Variants in SYT15B observed in about 807,000 individuals in gnomAD.
The protein encoded by SYT15B is synaptotagmin-15.
chr10:47,762,304 G>T, the SYT15B span, among the ~76,000 whole-genome samples: 2 of 151,244 alleles, frequency 1.3e-5, no homozygotes, highest in South Asian at 2.1e-4. Context: ...TCGCCCCGGG[G>T]GTGCTCAGAC....
the SYT15B span, among the ~76,000 whole-genome samples, chr10:47,745,467 T>G: frequency 1.4e-5 from 2 of 143,254 alleles, no homozygotes; most frequent in Non-Finnish European, 3.0e-5. Flanking sequence ...CATCGTTTTC[T>G]TCCTTTGACT....
the SYT15B span, chr10:47,753,079 G>A: frequency 1.1e-6 from 1 of 909,766 alleles, no homozygotes; most frequent in South Asian, 5.1e-5. Context: ...TTGCACTCCA[G>A]CCTGGGTGAC....
chr10:47,747,320 C>T, the SYT15B span, among the ~76,000 whole-genome samples: 1 of 151,436 alleles, frequency 6.6e-6, no homozygotes, highest in African/African-American at 2.4e-5. Context: ...AACACTTTCC[C>T]CTTGAGGCAT....
chr10:47,749,484 G>C, the SYT15B span, among the ~76,000 whole-genome samples: 11 of 145,824 alleles, frequency 7.5e-5, no homozygotes, highest in East Asian at 2.1e-3. Flanking sequence ...ATTAAAATGA[G>C]TAATAATAAT....
chr10:47,746,881 C>A, the SYT15B span, among the ~76,000 whole-genome samples: 1 of 110,078 alleles, frequency 9.1e-6, no homozygotes, highest in Non-Finnish European at 1.9e-5. Context: ...ATTGTTTAAT[C>A]CCATTCCCTG....
the SYT15B span, among the ~76,000 whole-genome samples, chr10:47,748,415 G>A: frequency 6.6e-6 from 1 of 151,690 alleles, no homozygotes; most frequent in East Asian, 2.0e-4. Context: ...GTTTCACCAT[G>A]TTGGCCAGGT....
chr10:47,745,012 G>C, the SYT15B span, among the ~76,000 whole-genome samples: 1 of 151,804 alleles, frequency 6.6e-6, no homozygotes, highest in South Asian at 2.1e-4. Flanking sequence ...CCCAAGCCTG[G>C]CCCAGGCTTG....
chr10:47,754,963 CTTTTTTT>C, the SYT15B span, among the ~76,000 whole-genome samples: 1 of 74,990 alleles, frequency 1.3e-5, no homozygotes, highest in African/African-American at 5.1e-5. Flanking sequence ...CTTTTCTTTT[CTTTTTTT>C]TTTTTTTGAC....
At chr10:47,748,486 T>C in the SYT15B span, among the ~76,000 whole-genome samples, 2 of 152,122 alleles carry the variant, frequency 1.3e-5, no homozygotes, top group Non-Finnish European at 2.9e-5. Flanking sequence ...GTGCTGGGAT[T>C]ATAGGCGTGA....
chr10:47,757,499 GAGTTTAAGGGGCTTGTGC>G, the SYT15B span, among the ~76,000 whole-genome samples: 3 of 82,754 alleles, frequency 3.6e-5, no homozygotes, highest in African/African-American at 1.0e-4. Flanking sequence ...GTGGTCTGGA[GAGTTTAAGGGGCTTGTGC>G]AGTCCTGTGG....
the SYT15B span, among the ~76,000 whole-genome samples, chr10:47,762,150 C>G: frequency 6.7e-6 from 1 of 149,038 alleles, no homozygotes; most frequent in Admixed American, 6.7e-5. Flanking sequence ...CTCTAACACC[C>G]GCTCCCTCCC....
chr10:47,762,154 C>T, the SYT15B span, among the ~76,000 whole-genome samples: 1 of 149,900 alleles, frequency 6.7e-6, no homozygotes, highest in African/African-American at 2.5e-5. Context: ...AACACCCGCT[C>T]CCTCCCCTAG....
the SYT15B span, chr10:47,753,252 A>G: frequency 1.6e-6 from 1 of 619,592 alleles, no homozygotes; most frequent in Non-Finnish European, 1.9e-6. Context: ...TACCTGTTAC[A>G]GTAACTGTGA....
chr10:47,749,083 G>T, the SYT15B span, among the ~76,000 whole-genome samples: 1 of 77,208 alleles, frequency 1.3e-5, no homozygotes, highest in Non-Finnish European at 2.6e-5. Flanking sequence ...AAATACAAAA[G>T]AATTAGCCAG....
the SYT15B span, among the ~76,000 whole-genome samples, chr10:47,749,447 T>A: frequency 2.0e-5 from 3 of 149,968 alleles, no homozygotes; most frequent in South Asian, 6.4e-4. Context: ...AATAATAATG[T>A]CTCGTTAGGT....
At chr10:47,755,404 A>C in the SYT15B span, among the ~76,000 whole-genome samples, 42 of 152,224 alleles carry the variant, frequency 2.8e-4, no homozygotes, top group African/African-American at 7.5e-4. Context: ...TACAGGCGCC[A>C]GCCACCACAC....
the SYT15B span, chr10:47,751,004 A>G: frequency 9.7e-5 from 14 of 143,622 alleles, no homozygotes; most frequent in Admixed American, 4.9e-4. Flanking sequence ...ATTTGAGAGA[A>G]ATTTAACCTT....
the SYT15B span, among the ~76,000 whole-genome samples, chr10:47,744,854 T>A: frequency 6.6e-6 from 1 of 152,046 alleles, no homozygotes; most frequent in African/African-American, 2.4e-5. Flanking sequence ...TTCACATGAT[T>A]TTTGGATCAT....
chr10:47,756,715 G>A, the SYT15B span, among the ~76,000 whole-genome samples: 1 of 152,426 alleles, frequency 6.6e-6, no homozygotes, highest in African/African-American at 2.4e-5. Context: ...GGATGTGTGG[G>A]GTGAGCCCAA....
Sources: allele counts gnomAD v4.1 joint callset (sites outside exome capture counted in the v4.1 genomes callset), GRCh38; gene constraint gnomAD v4.1.1; transcripts MANE v1.5; gene names NCBI Gene and HGNC (gene_info 2026-07-23, HGNC 2026-07-21).